DNAJC2: variants seen among roughly 807,000 people sequenced by gnomAD.
The protein encoded by DNAJC2 is dnaJ homolog subfamily C member 2.
In DNAJC2, 32 loss-of-function variants were observed where a neutral mutation model predicts 94.0. That is an observed-to-expected ratio of 0.34 (90% confidence interval 0.26 to 0.46). The LOEUF (loss-of-function observed/expected upper bound fraction) is 0.46. DNAJC2 is among the 20% of genes least tolerant of loss of function. The pLI, the probability that DNAJC2 is intolerant of heterozygous loss-of-function variation, is 1.00. For missense variants in DNAJC2, 550 were observed against 719.5 expected (o/e 0.76, Z 2.69); for synonymous variants, 210 against 229.7 (o/e 0.91, Z 0.77).
chr7:103,320,540 C>T (rs1270034009), intron 10 of DNAJC2, among the ~76,000 whole-genome samples: 3 of 151,592 alleles, frequency 2.0e-5, no homozygotes, highest in African/African-American at 7.3e-5. Flanking sequence ...GCAGGCGGAT[C>T]GTGAGGTCAG....
chr7:103,318,609 G>C (rs1818204988), intron 12 of DNAJC2, among the ~76,000 whole-genome samples: 1 of 152,038 alleles, frequency 6.6e-6, no homozygotes, highest in Non-Finnish European at 1.5e-5. Context: ...AACAGCATTA[G>C]GCATTTCTCC....
chr7:103,326,605 A>AAT lies in DNAJC2; in HGVS notation c.509_510insAT (p.Lys171LeufsTer35). On this transcript the variant is annotated frameshift_variant, in exon 5 of 17. Coordinates refer to ENST00000379263, the MANE Select transcript of DNAJC2 (RefSeq NM_014377.3). LOFTEE classifies it high-confidence loss of function. ...AGAAATTATCCTTTGCTTCACTTTT[A>AAT]GAAGGAACTGAGTTATCAAAAGTAG... 6.2e-7 allele frequency: 1 copy of AAT among 1,600,608 alleles called. No homozygotes were observed. Among genetic ancestry groups the AAT allele is most frequent in the Non-Finnish European group, 8.5e-7 (1 of 1,173,876 alleles).
At chr7:103,330,986 TCTCA>T (rs1308681424) in intron 3 of DNAJC2, among the ~76,000 whole-genome samples, 1 of 151,080 alleles carries the variant, frequency 6.6e-6, no homozygotes, top group African/African-American at 2.4e-5. Flanking sequence ...TGAGATGGAG[TCTCA>T]CTCTGTTGGC....
At chr7:103,343,391 TC>T (rs750159772) in intron 1 of DNAJC2, among the ~76,000 whole-genome samples, 1 of 152,356 alleles carries the variant, frequency 6.6e-6, no homozygotes, top group Admixed American at 6.5e-5. Context: ...AAAGCAATTT[TC>T]CAAGCAGCAA....
intron 12 of DNAJC2, among the ~76,000 whole-genome samples, chr7:103,317,678 TCTCA>T (rs1328648584): frequency 6.6e-6 from 1 of 152,124 alleles, no homozygotes; most frequent in African/African-American, 2.4e-5. Context: ...TGAGGCAGAG[TCTCA>T]CTCTGTCGCC....
intron 5 of DNAJC2, among the ~76,000 whole-genome samples, chr7:103,325,172 G>A (rs1316739702): frequency 1.3e-5 from 2 of 152,146 alleles, no homozygotes; most frequent in Non-Finnish European, 2.9e-5. Flanking sequence ...GGCCAGGCGC[G>A]GTGGCTCATG....
chr7:103,313,680 A>G, intron 15 of DNAJC2: 11 of 985,442 alleles, frequency 1.1e-5, no homozygotes, highest in Non-Finnish European at 1.3e-5. Flanking sequence ...ATCTGCTAAA[A>G]TCTTGGGAGC....
At chr7:103,328,936 A>C (rs1818850696) in intron 3 of DNAJC2, 1 of 1,110,180 alleles carries the variant, frequency 9.0e-7, no homozygotes, top group African/African-American at 1.6e-5. Context: ...CTTAGGATAT[A>C]ATCACAGAAG....
At chr7:103,340,712 G>A (rs1819342712) in intron 2 of DNAJC2, among the ~76,000 whole-genome samples, 1 of 152,132 alleles carries the variant, frequency 6.6e-6, no homozygotes, top group South Asian at 2.1e-4. Flanking sequence ...ACCTACTAAA[G>A]CATTATCTAT....
chr7:103,317,762 T>C (rs968944997), intron 12 of DNAJC2, among the ~76,000 whole-genome samples: 3 of 152,194 alleles, frequency 2.0e-5, no homozygotes, highest in Admixed American at 6.5e-5. Flanking sequence ...GTGATTCTCC[T>C]GCCTCAGCCT....
At chr7:103,326,145 A>ATTTTTTTT in intron 5 of DNAJC2, among the ~76,000 whole-genome samples, 2 of 151,996 alleles carry the variant, frequency 1.3e-5, no homozygotes, top group African/African-American at 4.8e-5. Context: ...CGGCCAGCTA[A>ATTTTTTTT]TTTTTGTATT....
intron 3 of DNAJC2, among the ~76,000 whole-genome samples, chr7:103,328,021 A>G (rs1009874922): frequency 6.6e-6 from 1 of 152,038 alleles, no homozygotes; most frequent in Admixed American, 6.6e-5. Flanking sequence ...CCCGGGTTCA[A>G]GCGATTCTCC....
Position 103,315,776 on chromosome 7 carries a change from C to T in DNAJC2, c.1624G>A (p.Glu542Lys), listed in dbSNP as rs751977267. 9.9e-6 allele frequency: 16 copies of T among 1,613,050 alleles called. No homozygotes were observed. In the South Asian group the frequency reaches 1.5e-4, roughly 16 times the overall value. The part of the protein sequence containing the change: ...VPQADNATPS[E>K]RFEGPYTDFT... ...AAGCAAAATTTACCTTCAAATCGTT[C>T]TGAAGGCGTTGCGTTGTCTGCTTGA... Residue 542 changes from glutamate to lysine, a missense_variant, in exon 15 of 17, where the codon GAA (glutamate) becomes AAA (lysine). By Grantham distance (56) the Glu-to-Lys change is moderately conservative. Around this residue, in one of 2 missense-constraint regions of DNAJC2, gnomAD observed 271 missense variants for 302.6 expected, o/e 0.90. Coordinates refer to ENST00000379263, the MANE Select transcript of DNAJC2 (RefSeq NM_014377.3).
intron 13 of DNAJC2, 100 bp downstream of exon 13, chr7:103,316,730 C>A (rs1216822999): frequency 4.0e-6 from 4 of 1,007,332 alleles, no homozygotes; most frequent in South Asian, 1.6e-5. Flanking sequence ...GAATTTATCT[C>A]TGCAAGTTTC....
intron 3 of DNAJC2, chr7:103,336,028 G>T (rs1257990689): frequency 6.6e-6 from 1 of 152,232 alleles, no homozygotes. Flanking sequence ...TTAGCCGGGC[G>T]TGGTGGCACA....
At chr7:103,329,094 T>C in intron 3 of DNAJC2, 1 of 839,190 alleles carries the variant, frequency 1.2e-6, no homozygotes, top group Non-Finnish European at 1.6e-6. Context: ...CAACAATTTT[T>C]TTGTTTTTCA....
rs140727408 is a variant in DNAJC2, at chr7:103,328,700, G to A, written c.332-946C>T. ...ACTAATTTATATTCTGCTTTCTTCA[G>A]CTTCACATTATAGCGTTTGCATTTT... On this transcript the variant is annotated intron_variant, in intron 3 of 16. Transcript: ENST00000379263. Among the ~76,000 whole-genome samples the A allele has an allele frequency of 3.8e-3, 573 of 152,250 alleles. 4 individuals carry two copies. The highest frequency in any genetic ancestry group is 0.014 in the African/African-American group (564 of 41,542).
intron 15 of DNAJC2, among the ~76,000 whole-genome samples, chr7:103,315,209 G>T (rs1245010917): frequency 6.7e-6 from 1 of 149,196 alleles, no homozygotes. Flanking sequence ...TCCTGGTTTT[G>T]AACCCTAACA....
At chr7:103,315,700 T>G in intron 15 of DNAJC2, 64 bp downstream of exon 15, 1 of 1,088,598 alleles carries the variant, frequency 9.2e-7, no homozygotes, top group South Asian at 1.3e-5. Flanking sequence ...ACCCTAAGTC[T>G]TGTACGTCCA....
Sources: gnomAD v4.1 joint callset for allele counts (sites outside exome capture counted in the v4.1 genomes callset) on GRCh38, gnomAD v4.1.1 for gene constraint, gnomAD v4.1.1 regional missense constraint, MANE v1.5 for transcripts, NCBI Gene and HGNC (gene_info 2026-07-23, HGNC 2026-07-21) for gene names.